EYS: variants seen among roughly 807,000 people sequenced by gnomAD.
EYS encodes the protein protein eyes shut homolog.
EYS carries 250 observed loss-of-function variants against 282.1 expected under a neutral mutation model. The ratio of observed to expected loss-of-function variants is 0.89; its 90% CI spans 0.80 to 0.98. The LOEUF (loss-of-function observed/expected upper bound fraction) is 0.98, where lower values mean the gene tolerates loss of function less well. Among genes scored for constraint, EYS ranks in the 50% least tolerant of loss-of-function variants. The pLI is 0.00. For missense variants in EYS, 4,016 were observed against 3,709.0 expected, an observed-to-expected ratio of 1.08 and a Z score of -2.15; for synonymous variants, 1,355 against 1,282.9, an observed-to-expected ratio of 1.06 and a Z score of -1.20.
At chr6:63,934,991 T>G (rs1316118126) in intron 35 of EYS, among the ~76,000 whole-genome samples, 6 of 152,144 alleles carry the variant, frequency 3.9e-5, no homozygotes, top group Non-Finnish European at 8.8e-5. Context: ...GCCCCGCACC[T>G]CCTCCTTGCT....
At chr6:64,980,919 T>G (rs1338381273) in intron 14 of EYS, among the ~76,000 whole-genome samples, 1 of 151,426 alleles carries the variant, frequency 6.6e-6, no homozygotes, top group African/African-American at 2.4e-5. Flanking sequence ...CTGGATATCT[T>G]AAAAGAGAAT....
At chr6:63,756,102 C>T (rs1582175759) in intron 41 of EYS, among the ~76,000 whole-genome samples, 1 of 152,244 alleles carries the variant, frequency 6.6e-6, no homozygotes, top group East Asian at 1.9e-4. Flanking sequence ...TCCTCTTTTC[C>T]TAATTGAATA....
chr6:65,495,851 C>CTTTTTT lies in EYS; in HGVS notation c.-198+7_-198+8insAAAAAA. On this transcript the variant is annotated splice_region_variant and intron_variant, in intron 3 of 42. Transcript: ENST00000503581. ...TGGTTTCATGACATAATTAAGCCAG[C>CTTTTTT]AACTTACTGCGGTCTTTTGTGTTTT... is the stretch of plus-strand genomic sequence containing the variant. The CTTTTTT allele has an allele frequency of 1.1e-5, 2 of 176,048 alleles. No homozygotes were observed. The highest frequency in any genetic ancestry group is 1.3e-4 in the South Asian group (1 of 7,940). 10.9% of individuals were successfully genotyped at this position (176,048 alleles called of 1,614,324 possible).
chr6:64,878,756 G>A (rs1345272541), intron 19 of EYS, among the ~76,000 whole-genome samples: 2 of 143,708 alleles, frequency 1.4e-5, no homozygotes, highest in African/African-American at 5.1e-5. Context: ...GGGAAATAAG[G>A]ATTTTTTTTT....
At chr6:65,651,323 T>C (rs1172454678) in intron 1 of EYS, among the ~76,000 whole-genome samples, 1 of 152,058 alleles carries the variant, frequency 6.6e-6, no homozygotes, top group Non-Finnish European at 1.5e-5. Flanking sequence ...TATACTTATT[T>C]AATGTTACTG....
intron 35 of EYS, among the ~76,000 whole-genome samples, chr6:63,959,023 T>C (rs535293620): frequency 5.9e-5 from 9 of 152,300 alleles, no homozygotes; most frequent in Admixed American, 3.3e-4. Flanking sequence ...ATTTTGACTT[T>C]CAAGTCTTAT....
At chr6:65,096,195 T>A (rs1774735179) in intron 12 of EYS, among the ~76,000 whole-genome samples, 2 of 150,902 alleles carry the variant, frequency 1.3e-5, no homozygotes, top group South Asian at 4.1e-4. Context: ...AAATCAGTTG[T>A]GTTTTTATAT....
intron 41 of EYS, among the ~76,000 whole-genome samples, chr6:63,731,898 A>G (rs1004058148): frequency 6.6e-6 from 1 of 152,118 alleles, no homozygotes; most frequent in Non-Finnish European, 1.5e-5. Flanking sequence ...AAAAACACCT[A>G]TAAGGCTAGG....
chr6:63,795,439 G>A (rs1770622145), intron 37 of EYS, among the ~76,000 whole-genome samples: 1 of 152,188 alleles, frequency 6.6e-6, no homozygotes. Context: ...TGAGACAAGA[G>A]TGTCAGGACA....
At chr6:65,360,624 G>A (rs1385729207) in intron 8 of EYS, among the ~76,000 whole-genome samples, 2 of 151,988 alleles carry the variant, frequency 1.3e-5, no homozygotes, top group African/African-American at 2.4e-5. Context: ...TGACAACTCC[G>A]TGACCATACT....
rs190039169 is a variant in EYS at position 63,733,365 on chromosome 6, C to T, written c.8072-6685G>A. 5.1e-4 allele frequency among the ~76,000 whole-genome samples: 78 copies of T among 152,150 alleles called. 2 individuals are homozygous for T. The highest frequency in any genetic ancestry group is 2.8e-3 in the Admixed American group (43 of 15,258). On this transcript the variant is annotated intron_variant, in intron 41 of 42. Transcript: ENST00000503581. ...TAAAGTGCATGATGCTGAGGTTTGG[C>T]GTACAATTGATCCCATCACCCAAGT... is the stretch of plus-strand genomic sequence containing the variant.
chr6:64,249,083 A>T (rs1390389959), intron 30 of EYS, among the ~76,000 whole-genome samples: 1 of 151,456 alleles, frequency 6.6e-6, no homozygotes, highest in Non-Finnish European at 1.5e-5. Context: ...AAAAAAAAAA[A>T]AAGATACCTG....
intron 22 of EYS, among the ~76,000 whole-genome samples, chr6:64,632,997 T>C (rs536072855): frequency 1.3e-5 from 2 of 152,306 alleles, no homozygotes; most frequent in East Asian, 1.9e-4. Context: ...ATAGTCAAAC[T>C]GCATAAAGCA....
chr6:63,951,313 C>T (rs1399268467), intron 35 of EYS, among the ~76,000 whole-genome samples: 1 of 152,156 alleles, frequency 6.6e-6, no homozygotes, highest in African/African-American at 2.4e-5. Context: ...ACGTCACTTT[C>T]GATTTCTCCA....
At chr6:64,531,380 A>G (rs1764328044) in intron 26 of EYS, among the ~76,000 whole-genome samples, 1 of 117,958 alleles carries the variant, frequency 8.5e-6, no homozygotes, top group Admixed American at 1.0e-4. Context: ...TGAAAAATTG[A>G]GTTTTGTTTT....
chr6:65,210,887 A>T lies in EYS; in HGVS notation c.2023+84976T>A, dbSNP rs1387785926. Among the ~76,000 whole-genome samples, 9 of 151,738 alleles carry T rather than the reference A, an allele frequency of 5.9e-5. 1 individual carries two copies. Among genetic ancestry groups the T allele is most frequent in the Admixed American group, 3.9e-4 (6 of 15,190 alleles). On this transcript the variant is annotated intron_variant, in intron 12 of 42. Coordinates refer to ENST00000503581, the MANE Select transcript of EYS (RefSeq NM_001142800.2). Reference sequence around the variant, plus strand: ...GGCCTCTTGACTAGCAAGTCCCTGCATGCAGCCTTTCCTGATGTTTTAATT... The same window carrying T: ...GGCCTCTTGACTAGCAAGTCCCTGCTTGCAGCCTTTCCTGATGTTTTAATT...
intron 31 of EYS, among the ~76,000 whole-genome samples, chr6:64,140,988 C>A (rs567330969): frequency 1.3e-5 from 2 of 152,146 alleles, no homozygotes; most frequent in African/African-American, 2.4e-5. Context: ...TATGACCTTG[C>A]AATATTTTCT....
At chr6:65,011,416 G>A (rs146749757) in intron 13 of EYS, among the ~76,000 whole-genome samples, 92 of 152,200 alleles carry the variant, frequency 6.0e-4, no homozygotes, top group African/African-American at 1.9e-3. Context: ...ACTACAAATC[G>A]TTCTTCAAAT....
chr6:64,593,033 G>A (rs1316580640), intron 25 of EYS, 84 bp downstream of exon 25: 2 of 1,019,622 alleles, frequency 2.0e-6, no homozygotes, highest in Non-Finnish European at 1.3e-6. Context: ...AAAAAAAAAA[G>A]ATTTTAATAA....
Sources: gnomAD v4.1 joint callset for allele counts (sites outside exome capture counted in the v4.1 genomes callset) on GRCh38, gnomAD v4.1.1 for gene constraint, MANE v1.5 for transcripts, NCBI Gene and HGNC (gene_info 2026-07-23, HGNC 2026-07-21) for gene names.